The following LRIG2 variants were observed in gnomAD, a reference collection of about 807,000 sequenced individuals.
LRIG2 encodes the protein leucine rich repeats and immunoglobulin like domains 2, also known as leucine-rich repeats and immunoglobulin-like domains protein 2.
Under a neutral mutation model 107.8 loss-of-function variants are expected in LRIG2, and 93 were observed. That is an observed-to-expected ratio of 0.86 (90% CI 0.73 to 1.03). The LOEUF (loss-of-function observed/expected upper bound fraction) is 1.03. LRIG2 is among the 50% of genes least tolerant of loss of function. LRIG2 has a pLI of 0.00. For synonymous variants in LRIG2, 471 were observed against 470.6 expected (o/e 1.00, Z -0.01); for missense variants, 1,226 against 1,296.0 (o/e 0.95, Z 0.83).
intron 11 of LRIG2, among the ~76,000 whole-genome samples, chr1:113,104,593 C>T (rs1447193891): frequency 2.0e-5 from 3 of 151,840 alleles, no homozygotes; most frequent in Non-Finnish European, 4.4e-5. Context: ...TCTCAGCTCA[C>T]TGCAGCCTCT....
intron 11 of LRIG2, among the ~76,000 whole-genome samples, chr1:113,105,652 C>T (rs976760990): frequency 2.0e-5 from 3 of 152,116 alleles, no homozygotes; most frequent in Non-Finnish European, 1.5e-5. Context: ...GTGGCTCATG[C>T]CTGTAATCCC....
chr1:113,110,668 CTTACTG>C (rs1654737478), intron 13 of LRIG2, 106 bp downstream of exon 13: 1 of 818,046 alleles, frequency 1.2e-6, no homozygotes, highest in Non-Finnish European at 1.9e-6. Context: ...AAGTAGGACT[CTTACTG>C]TTATTGTCTT....
intron 16 of LRIG2, among the ~76,000 whole-genome samples, chr1:113,117,257 T>C (rs1299160263): frequency 2.0e-5 from 3 of 152,196 alleles, no homozygotes; most frequent in African/African-American, 7.2e-5. Context: ...TTACTTAAGA[T>C]CTGAGCTTTA....
chr1:113,119,477 T>C lies in LRIG2; in HGVS notation c.2925T>C (p.His975=), dbSNP rs375307100. 11 of 1,613,940 alleles carry C rather than the reference T, an allele frequency of 6.8e-6. No individual in the cohort carries two copies. Among genetic ancestry groups the C allele is most frequent in the Non-Finnish European group, 8.5e-6 (10 of 1,180,016 alleles). ...AGCCATCTGCCTTTCCCACCAACCA[T>C]GAGAGGATAAGTGAGAAGAAACTTC... The part of the protein sequence containing the change: ...NREPSAFPTN[H]ERISEKKLPS... Residue 975 remains histidine, a synonymous_variant, in exon 17 of 18, where the codon CAT becomes CAC. Coordinates refer to ENST00000361127, the MANE Select transcript of LRIG2 (RefSeq NM_014813.3).
chr1:113,089,022 CA>C (rs1653678775), intron 1 of LRIG2, among the ~76,000 whole-genome samples: 1 of 152,198 alleles, frequency 6.6e-6, no homozygotes, highest in South Asian at 2.1e-4. Flanking sequence ...GATGGTTTAA[CA>C]CACAGCTTTA....
At position 113,094,426 on chromosome 1, in the gene LRIG2, T is replaced by C; in HGVS notation, c.603T>C (p.Arg201=). ...CCTTATTAGTGGTAAAGTTAAACCG[T>C]AACCGAATGAGCATGATTCCACCTA... ...SSSLLVVKLN[R]NRMSMIPPKI... Residue 201 remains arginine (R), a synonymous_variant, in exon 5 of 18, where the codon CGT becomes CGC. Coordinates refer to ENST00000361127, the MANE Select transcript of LRIG2 (RefSeq NM_014813.3). The C allele has an allele frequency of 6.2e-7, 1 of 1,613,560 alleles. No homozygotes were observed. The highest frequency in any genetic ancestry group is 8.5e-7 in the Non-Finnish European group (1 of 1,179,914).
chr1:113,121,955 C>T (rs1002293437), intron 17 of LRIG2, among the ~76,000 whole-genome samples: 2 of 151,758 alleles, frequency 1.3e-5, no homozygotes, highest in South Asian at 2.1e-4. Flanking sequence ...ACATGAAACT[C>T]TTCAGGATGA....
chr1:113,093,526 C>G lies in LRIG2; in HGVS notation c.477C>G (p.Ile159Met). 1 of 1,603,336 alleles carries G rather than the reference C, an allele frequency of 6.2e-7. No homozygotes were observed. The highest frequency in any genetic ancestry group is 1.1e-5 in the South Asian group (1 of 90,938). ...LDLSSNIISE[I>M]KTSSFPRMQL... Reference sequence around the variant, plus strand: ...TCAGCTCAAATATAATATCAGAAATCAAGACATCTTCATTTCCTCGCATGC... The same window carrying G: ...TCAGCTCAAATATAATATCAGAAATGAAGACATCTTCATTTCCTCGCATGC... Residue 159 changes from isoleucine to methionine, a missense_variant, in exon 4 of 18, where the codon ATC becomes ATG. This residue lies in a region of LRIG2 where 570 missense variants were observed against 550.2 expected (regional missense o/e 1.04). Coordinates refer to ENST00000361127, the MANE Select transcript of LRIG2 (RefSeq NM_014813.3).
chr1:113,081,119 G>T (rs762287836), intron 1 of LRIG2, among the ~76,000 whole-genome samples: 1 of 152,018 alleles, frequency 6.6e-6, no homozygotes, highest in African/African-American at 2.4e-5. Context: ...GGGATTCCAC[G>T]CATGAGCCAC....
chr1:113,110,545 C>G lies in LRIG2; in HGVS notation c.1781C>G (p.Ala594Gly). ...NHFGSNYSQK[A>G]KLTVNEMPSF... ...TTTGGTTCTAATTATTCTCAGAAAG[C>G]CAAACTGACTGTAAATGGTAAGGAA... Residue 594 changes from alanine (A) to glycine (G), a missense_variant, in exon 13 of 18, where the codon GCC becomes GGC. Transcript: ENST00000361127. 6.2e-7 allele frequency: 1 copy of G among 1,605,100 alleles called. No homozygotes were observed. The highest frequency in any genetic ancestry group is 1.1e-5 in the South Asian group (1 of 90,570).
chr1:113,123,730 TGTGTGTGTGTGTGTGTGTGTG>T, intron 17 of LRIG2, 124 bp from the exon 18 acceptor site: 1 of 462,186 alleles, frequency 2.2e-6, no homozygotes, highest in Non-Finnish European at 3.7e-6. Context: ...GTGGTTTTTG[TGTGTGTGTGTGTGTGTGTGTG>T]TGTGTGTGTG....
chr1:113,119,648 C>T, intron 17 of LRIG2, 125 bp downstream of exon 17: 1 of 795,462 alleles, frequency 1.3e-6, no homozygotes, highest in South Asian at 1.8e-5. Flanking sequence ...AGTAACTGGC[C>T]ATTGTTAAAT....
In LRIG2 at chr1:113,123,937, TC is replaced by T. The variant is rs751024152; in HGVS notation, c.3037del (p.Gln1013SerfsTer68). The T allele has an allele frequency of 4.3e-6, 7 of 1,614,162 alleles. No individual in the cohort carries two copies. Among genetic ancestry groups the T allele is most frequent in the Non-Finnish European group, 5.9e-6 (7 of 1,180,020 alleles). ...RELGLPHPPF[S>X]QQPVHESPQL... ...ACTAGGCCTGCCTCATCCTCCTTTTTCCCAGCAGCCAGTCCATGAGTCACCA... is the reference window on the plus strand; with the variant it reads ...ACTAGGCCTGCCTCATCCTCCTTTTTCCAGCAGCCAGTCCATGAGTCACCA... On this transcript the variant is annotated frameshift_variant, in exon 18 of 18. Coordinates refer to ENST00000361127, the MANE Select transcript of LRIG2 (RefSeq NM_014813.3). LOFTEE classifies it low-confidence loss of function (END_TRUNC).
intron 5 of LRIG2, 61 bp from the exon 6 acceptor site, chr1:113,094,551 A>T: frequency 1.3e-6 from 2 of 1,572,378 alleles, no homozygotes; most frequent in Middle Eastern, 1.7e-4. Context: ...TTTTTAATTT[A>T]ATTACTGTTA....
intron 1 of LRIG2, among the ~76,000 whole-genome samples, chr1:113,089,431 T>C (rs1348028121): frequency 6.6e-6 from 1 of 152,222 alleles, no homozygotes; most frequent in Non-Finnish European, 1.5e-5. Flanking sequence ...TTCAAATTTA[T>C]AACTTTTATT....
At position 113,095,976 on chromosome 1, in the gene LRIG2, C is replaced by T. The variant is rs758660341; in HGVS notation, c.906C>T (p.Ile302=). The change falls in exon 7 of 18, where the codon ATC becomes ATT. Residue 302 remains isoleucine (I), a synonymous_variant. Transcript: ENST00000361127. ...TGAGCCAGAATGCTATTGAAAGAAT[C>T]AGCCCTGATGCATGGGAGTTCTGCC... ...LYVSQNAIER[I]SPDAWEFCQR... The T allele has an allele frequency of 1.9e-6, 3 of 1,614,216 alleles. No homozygotes were observed. The highest frequency in any genetic ancestry group is 1.7e-5 in the Admixed American group (1 of 60,024).
chr1:113,116,462 C>A, intron 16 of LRIG2, 26 bp downstream of exon 16: 1 of 1,566,842 alleles, frequency 6.4e-7, no homozygotes, highest in Non-Finnish European at 8.7e-7. Flanking sequence ...TTTATGGTTA[C>A]AATTTCAGCC....
In LRIG2 at chr1:113,124,340, C is replaced by G. The variant is rs540504768; in HGVS notation, c.*239C>G. ...GTGCAGCACCGGCAGAGGGAAGATA[C>G]GGGGCAAATGTGCTTCCTGATGCTT... is the stretch of plus-strand genomic sequence containing the variant. On this transcript the variant is annotated 3_prime_UTR_variant, in exon 18 of 18. Transcript: ENST00000361127. 112 of 548,362 alleles carry G rather than the reference C, an allele frequency of 2.0e-4. No homozygotes were observed. The highest frequency in any genetic ancestry group is 3.0e-4 in the Non-Finnish European group (92 of 305,096). The allele number at this position is 548,362 out of a possible 1,614,324, so 34.0% of individuals were successfully genotyped here. A position where few individuals can be genotyped will look rare whatever the true frequency, so the allele number is the denominator to read the frequency against.
chr1:113,115,270 A>G (rs1054279995), intron 15 of LRIG2, among the ~76,000 whole-genome samples: 4 of 152,218 alleles, frequency 2.6e-5, no homozygotes, highest in Non-Finnish European at 4.4e-5. Context: ...GTCAGAGTGT[A>G]TCGGTACATT....
Sources: allele counts gnomAD v4.1 joint callset (sites outside exome capture counted in the v4.1 genomes callset), GRCh38; gene constraint gnomAD v4.1.1; regional missense constraint gnomAD v4.1.1; transcripts MANE v1.5; gene names NCBI Gene and HGNC (gene_info 2026-07-23, HGNC 2026-07-21).